The following PPP2R2C variants were observed in gnomAD, a reference collection of about 807,000 sequenced individuals.
PPP2R2C encodes the protein protein phosphatase 2 regulatory subunit Bgamma.
A neutral mutation model predicts 45.3 loss-of-function variants in PPP2R2C; 10 were observed. The observed-to-expected ratio is 0.22, with a 90% CI of 0.14 to 0.37. PPP2R2C has a LOEUF of 0.37. Among genes scored for constraint, PPP2R2C ranks in the 10% least tolerant of loss-of-function variants. The probability of loss-of-function intolerance (pLI) is 1.00; values close to 1 mark genes in which losing one functional copy is unlikely to be tolerated. For synonymous variants in PPP2R2C, 257 were observed against 245.4 expected, an observed-to-expected ratio of 1.05 and a Z score of -0.44; for missense variants, 308 against 619.7, an observed-to-expected ratio of 0.50 and a Z score of 5.34.
intron 1 of PPP2R2C, among the ~76,000 whole-genome samples, chr4:6,425,314 G>A (rs895328393): frequency 5.3e-5 from 8 of 152,188 alleles, no homozygotes; most frequent in Non-Finnish European, 1.0e-4. Flanking sequence ...CCAATTGCTA[G>A]CCAAGCCTGG....
At chr4:6,452,863 C>T (rs1161918999) in intron 1 of PPP2R2C, among the ~76,000 whole-genome samples, 3 of 152,212 alleles carry the variant, frequency 2.0e-5, no homozygotes, top group African/African-American at 4.8e-5. Flanking sequence ...CAGCTCTGTC[C>T]CACAGAGAAT....
chr4:6,530,522 G>A (rs1724360891), intron 2 of PPP2R2C, among the ~76,000 whole-genome samples: 3 of 149,664 alleles, frequency 2.0e-5, no homozygotes, highest in African/African-American at 7.3e-5. Context: ...AGCCCTCCGT[G>A]GCTGTGGTCG....
intron 1 of PPP2R2C, among the ~76,000 whole-genome samples, chr4:6,439,293 A>C (rs1246780220): frequency 6.6e-6 from 1 of 152,250 alleles, no homozygotes; most frequent in Admixed American, 6.5e-5. Context: ...TCATAAATGC[A>C]AGGCTGCACA....
intron 2 of PPP2R2C, among the ~76,000 whole-genome samples, chr4:6,379,310 C>T (rs1015132086): frequency 6.6e-6 from 1 of 152,168 alleles, no homozygotes; most frequent in African/African-American, 2.4e-5. Flanking sequence ...CCAGGGACCA[C>T]GTTCCCAGGA....
Position 6,348,362 on chromosome 4 carries a change from T to G in PPP2R2C, c.626-352A>C, listed in dbSNP as rs999481436. Reference sequence around the variant, plus strand: ...CCCCTCTCCTCTGCCTTCCTTCCCCTGTTGGTTGCCAAGCAGAAGAAAAAG... The same window carrying G: ...CCCCTCTCCTCTGCCTTCCTTCCCCGGTTGGTTGCCAAGCAGAAGAAAAAG... On this transcript the variant is annotated intron_variant, in intron 5 of 8. Coordinates refer to ENST00000382599, the MANE Select transcript of PPP2R2C (RefSeq NM_020416.4). 5.3e-5 allele frequency among the ~76,000 whole-genome samples: 8 copies of G among 151,662 alleles called. 1 individual carries two copies. The highest frequency in any genetic ancestry group is 4.6e-4 in the Admixed American group (7 of 15,226).
chr4:6,442,928 G>A (rs1435558605), intron 1 of PPP2R2C, among the ~76,000 whole-genome samples: 1 of 152,192 alleles, frequency 6.6e-6, no homozygotes, highest in Non-Finnish European at 1.5e-5. Flanking sequence ...GCCCAAGGGG[G>A]GCACCCATTC....
At chr4:6,447,794 T>C (rs533553832) in intron 1 of PPP2R2C, among the ~76,000 whole-genome samples, 42 of 152,172 alleles carry the variant, frequency 2.8e-4, no homozygotes, top group Admixed American at 2.1e-3. Context: ...TCTCGGGGTC[T>C]CCGTTTTCTC....
At chr4:6,335,438 C>T (rs757860016) in intron 6 of PPP2R2C, among the ~76,000 whole-genome samples, 13 of 152,010 alleles carry the variant, frequency 8.6e-5, no homozygotes, top group African/African-American at 2.4e-4. Context: ...GGCAGGGACA[C>T]GCCAAGGGCC....
intron 1 of PPP2R2C, among the ~76,000 whole-genome samples, chr4:6,553,990 C>G (rs1725274084): frequency 6.6e-6 from 1 of 152,134 alleles, no homozygotes; most frequent in Non-Finnish European, 1.5e-5. Flanking sequence ...CTTGGGGCAC[C>G]AGGACCCCCA....
At chr4:6,485,846 G>A (rs1225004616) in intron 2 of PPP2R2C, among the ~76,000 whole-genome samples, 1 of 151,756 alleles carries the variant, frequency 6.6e-6, no homozygotes, top group African/African-American at 2.4e-5. Context: ...CCAACTTTTG[G>A]ATTAATTTAT....
intron 1 of PPP2R2C, among the ~76,000 whole-genome samples, chr4:6,400,080 A>G (rs768867662): frequency 2.0e-5 from 3 of 152,230 alleles, no homozygotes; most frequent in Non-Finnish European, 2.9e-5. Context: ...AGTTTCACCC[A>G]TCACCTAAAT....
chr4:6,397,639 C>T (rs1717131493), intron 1 of PPP2R2C, among the ~76,000 whole-genome samples: 1 of 125,728 alleles, frequency 8.0e-6, no homozygotes, highest in Non-Finnish European at 1.8e-5. Context: ...TGCCTAGAGG[C>T]TAAGGGCAAG....
Position 6,372,786 on chromosome 4 carries a change from G to A in PPP2R2C, c.448-86C>T, listed in dbSNP as rs772350492. Reference sequence around the variant, plus strand: ...ATGCCGTGAGCATGTGATCCCAACCGGAGGCTGGAACACAGGGGTGGGCGT... The same window carrying A: ...ATGCCGTGAGCATGTGATCCCAACCAGAGGCTGGAACACAGGGGTGGGCGT... On this transcript the variant is annotated intron_variant, in intron 4 of 8. Coordinates refer to ENST00000382599, the MANE Select transcript of PPP2R2C (RefSeq NM_020416.4). 3.5e-5 allele frequency: 48 copies of A among 1,390,920 alleles called. 1 individual carries two copies. The Middle Eastern group carries it at 9.5e-4, about 28-fold the overall frequency. The allele number at this position is 1,390,920 out of a possible 1,614,324, so 86.2% of individuals were successfully genotyped here.
chr4:6,333,930 C>T (rs1345741336), intron 6 of PPP2R2C, among the ~76,000 whole-genome samples, 199 bp from the exon 7 acceptor site: 1 of 152,178 alleles, frequency 6.6e-6, no homozygotes, highest in Non-Finnish European at 1.5e-5. Context: ...CATTACTATC[C>T]CCATTCATAG....
At chr4:6,419,406 C>T (rs530494006) in intron 1 of PPP2R2C, among the ~76,000 whole-genome samples, 19 of 151,200 alleles carry the variant, frequency 1.3e-4, no homozygotes, top group East Asian at 5.8e-4. Context: ...CACTCCTAGG[C>T]GACAGAGTGA....
intron 1 of PPP2R2C, among the ~76,000 whole-genome samples, chr4:6,411,778 T>C (rs1190442747): frequency 6.6e-6 from 1 of 152,210 alleles, no homozygotes. Context: ...GGTCTCAATC[T>C]CCTGACCTCG....
At chr4:6,411,420 G>A (rs1324310828) in intron 1 of PPP2R2C, among the ~76,000 whole-genome samples, 1 of 152,122 alleles carries the variant, frequency 6.6e-6, no homozygotes, top group Non-Finnish European at 1.5e-5. Flanking sequence ...GGAAGGAGGT[G>A]TCTCCTCCCA....
upstream of PPP2R2C, among the ~76,000 whole-genome samples, chr4:6,475,113 G>C (rs1487295476): frequency 4.6e-5 from 7 of 152,356 alleles, no homozygotes; most frequent in Admixed American, 3.3e-4. Context: ...GGGTGAGATG[G>C]ACAGCATAAA....
At chr4:6,511,826 T>G (rs1475904306) in intron 2 of PPP2R2C, among the ~76,000 whole-genome samples, 1 of 68,216 alleles carries the variant, frequency 1.5e-5, no homozygotes, top group African/African-American at 5.7e-5. Context: ...GTGATGGTGG[T>G]GGTGGTGGTG....
Sources: gnomAD v4.1 joint callset for allele counts (sites outside exome capture counted in the v4.1 genomes callset) on GRCh38, gnomAD v4.1.1 for gene constraint, MANE v1.5 for transcripts, NCBI Gene and HGNC (gene_info 2026-07-23, HGNC 2026-07-21) for gene names.